Variants in ATF7IP observed in about 807,000 individuals in gnomAD.
ATF7IP encodes the protein activating transcription factor 7 interacting protein.
Under a neutral mutation model 106.4 loss-of-function variants are expected in ATF7IP, and 23 were observed. That is an observed-to-expected ratio of 0.22 (90% CI 0.16 to 0.31). ATF7IP has a LOEUF of 0.31. Ranked by LOEUF, ATF7IP falls within the 10% of genes least tolerant of loss-of-function variation. The pLI is 1.00. For synonymous variants in ATF7IP, 542 were observed against 539.0 expected, an observed-to-expected ratio of 1.01 and a Z score of -0.08; for missense variants, 1,334 against 1,524.3, an observed-to-expected ratio of 0.88 and a Z score of 2.08.
chr12:14,420,662 C>G (rs1819861434), intron 1 of ATF7IP, among the ~76,000 whole-genome samples: 1 of 152,082 alleles, frequency 6.6e-6, no homozygotes, highest in Non-Finnish European at 1.5e-5. Context: ...ATAGCCATCA[C>G]TCATTTAGTG....
Position 14,474,503 on chromosome 12 carries a change from C to T in ATF7IP, c.2863-1387C>T, listed in dbSNP as rs532961443. ...GCAACGTCCGCCTCCCAGGTTCAAG[C>T]GATTCTCCTGCCTCAGCCTCCCGAG... On this transcript the variant is annotated intron_variant, in intron 10 of 14. Transcript: ENST00000261168. Among the ~76,000 whole-genome samples the T allele has an allele frequency of 1.6e-4, 24 of 151,536 alleles. No individual in the cohort carries two copies. The South Asian group carries it at 3.3e-3, about 21-fold the overall frequency.
intron 6 of ATF7IP, among the ~76,000 whole-genome samples, chr12:14,455,737 A>G (rs1591902160): frequency 6.6e-6 from 1 of 150,828 alleles, no homozygotes; most frequent in Middle Eastern, 3.5e-3. Flanking sequence ...GGCGTGTATT[A>G]CCACGCCTGG....
intron 11 of ATF7IP, among the ~76,000 whole-genome samples, chr12:14,476,994 A>G (rs1001535467): frequency 6.6e-6 from 1 of 152,270 alleles, no homozygotes; most frequent in South Asian, 2.1e-4. Context: ...AGCCTTTACT[A>G]TGCTAATTTA....
chr12:14,471,688 A>G (rs1260757094), intron 10 of ATF7IP, among the ~76,000 whole-genome samples: 1 of 152,170 alleles, frequency 6.6e-6, no homozygotes, highest in Non-Finnish European at 1.5e-5. Context: ...GAGCAGAGCA[A>G]AGCGGGAAGC....
At chr12:14,373,740 A>G (rs988847336) in intron 1 of ATF7IP, among the ~76,000 whole-genome samples, 1 of 152,174 alleles carries the variant, frequency 6.6e-6, no homozygotes, top group Non-Finnish European at 1.5e-5. Flanking sequence ...ATTTAGGTTC[A>G]GTTATAGTAT....
At chr12:14,496,456 C>T (rs878953311) in intron 14 of ATF7IP, 113 bp downstream of exon 14, 1 of 647,862 alleles carries the variant, frequency 1.5e-6, no homozygotes, top group Non-Finnish European at 2.7e-6. Context: ...TTAGGTCTTC[C>T]TGCTTTTTCA....
At chr12:14,438,805 A>G (rs1253045194) in intron 5 of ATF7IP, among the ~76,000 whole-genome samples, 1 of 152,232 alleles carries the variant, frequency 6.6e-6, no homozygotes, top group East Asian at 1.9e-4. Flanking sequence ...CTGGAAGTTT[A>G]GACTTCAATA....
intron 1 of ATF7IP, among the ~76,000 whole-genome samples, chr12:14,381,553 C>T (rs1203718400): frequency 6.6e-6 from 1 of 152,066 alleles, no homozygotes; most frequent in Non-Finnish European, 1.5e-5. Flanking sequence ...TTTTCAGCTT[C>T]CCAAATCTTA....
At chr12:14,409,900 A>G (rs966310348) in intron 1 of ATF7IP, among the ~76,000 whole-genome samples, 2 of 151,976 alleles carry the variant, frequency 1.3e-5, no homozygotes, top group Non-Finnish European at 2.9e-5. Context: ...AAGTTCTGCT[A>G]TTTTTTTTAA....
intron 13 of ATF7IP, among the ~76,000 whole-genome samples, chr12:14,484,703 T>G (rs1944539051): frequency 6.6e-6 from 1 of 152,140 alleles, no homozygotes; most frequent in Non-Finnish European, 1.5e-5. Flanking sequence ...CAGTACAGGC[T>G]GGGGAAGAGA....
chr12:14,493,288 A>G (rs1944891636), intron 13 of ATF7IP, among the ~76,000 whole-genome samples: 2 of 152,170 alleles, frequency 1.3e-5, no homozygotes, highest in Non-Finnish European at 2.9e-5. Context: ...ATTTGAATTA[A>G]AGAACTCAAA....
chr12:14,389,823 C>T (rs935474479), intron 1 of ATF7IP, among the ~76,000 whole-genome samples: 12 of 152,146 alleles, frequency 7.9e-5, no homozygotes, highest in Non-Finnish European at 1.5e-4. Flanking sequence ...GACTGGGTTT[C>T]TCCATGTTGA....
chr12:14,397,165 A>T (rs1011247344), intron 1 of ATF7IP, among the ~76,000 whole-genome samples: 1 of 152,192 alleles, frequency 6.6e-6, no homozygotes, highest in East Asian at 1.9e-4. Context: ...TCCGTCTCTA[A>T]AAAAGAAAAC....
intron 1 of ATF7IP, among the ~76,000 whole-genome samples, chr12:14,419,818 G>A (rs1438071452): frequency 6.6e-6 from 1 of 152,070 alleles, no homozygotes; most frequent in African/African-American, 2.4e-5. Context: ...TAAGGTTTCT[G>A]TTTAAATGAA....
chr12:14,376,660 C>T (rs1474440534), intron 1 of ATF7IP, among the ~76,000 whole-genome samples: 1 of 152,186 alleles, frequency 6.6e-6, no homozygotes, highest in Non-Finnish European at 1.5e-5. Context: ...TCTTGGGGTT[C>T]TCTGAGATTC....
intron 8 of ATF7IP, among the ~76,000 whole-genome samples, chr12:14,458,095 CA>C (rs34626490): frequency 0.024 from 3,401 of 141,210 alleles, 36 homozygotes; most frequent in Admixed American, 0.034. Flanking sequence ...GACTTCCTCT[CA>C]AAAAAAAAAA....
intron 1 of ATF7IP, among the ~76,000 whole-genome samples, chr12:14,407,605 T>G (rs973970090): frequency 4.6e-5 from 7 of 152,146 alleles, no homozygotes; most frequent in Admixed American, 3.3e-4. Context: ...GTTATCTGGG[T>G]AAAGGAGTAA....
At chr12:14,427,910 A>C (rs1941938897) in intron 2 of ATF7IP, among the ~76,000 whole-genome samples, 1 of 152,158 alleles carries the variant, frequency 6.6e-6, no homozygotes, top group African/African-American at 2.4e-5. Flanking sequence ...GTGAATGAAT[A>C]ATCAATAATG....
At chr12:14,431,636 C>T (rs1006805272) in intron 2 of ATF7IP, among the ~76,000 whole-genome samples, 9 of 151,938 alleles carry the variant, frequency 5.9e-5, no homozygotes, top group Admixed American at 2.0e-4. Flanking sequence ...CCTTGTGATC[C>T]GCCCGCCTCG....
Sources: allele counts gnomAD v4.1 joint callset (sites outside exome capture counted in the v4.1 genomes callset), GRCh38; gene constraint gnomAD v4.1.1; transcripts MANE v1.5; gene names NCBI Gene and HGNC (gene_info 2026-07-23, HGNC 2026-07-21).